MFRP: variants seen among roughly 807,000 people sequenced by gnomAD.
MFRP encodes the protein C1q and TNF related 5.
A neutral mutation model predicts 65.8 loss-of-function variants in MFRP; 74 were observed. The ratio of observed to expected loss-of-function variants is 1.12; its 90% CI spans 0.93 to 1.36. MFRP has a LOEUF of 1.36. MFRP is among the 40% of genes most tolerant of loss of function. MFRP has a pLI of 0.00. For synonymous variants in MFRP, 336 were observed against 288.3 expected, an observed-to-expected ratio of 1.17 and a Z score of -1.68; for missense variants, 838 against 736.0, an observed-to-expected ratio of 1.14 and a Z score of -1.60.
Position 119,342,680 on chromosome 11 carries a change from C to T in MFRP, c.1303G>A (p.Gly435Ser). ...CACATGTCACACATCCACTGCACAC[C>T]CTTACACCCTCCTGCCTGGCAGGAG... is the stretch of plus-strand genomic sequence containing the variant. ...ELSCQAGGCK[G>S]VQWMCDMWRD... Residue 435 changes from glycine to serine, a missense_variant, in exon 11 of 15, where the codon GGT becomes AGT. By Grantham distance (56) the Gly-to-Ser change is moderately conservative (BLOSUM62 0). Transcript: ENST00000619721. 1 of 1,613,720 alleles carries T rather than the reference C, an allele frequency of 6.2e-7. No homozygotes were observed. Among genetic ancestry groups the T allele is most frequent in the Non-Finnish European group, 8.5e-7 (1 of 1,179,958 alleles).
In MFRP at chr11:119,345,652, G is replaced by C. The variant is rs751646715; in HGVS notation, c.428-19C>G. On this transcript the variant is annotated intron_variant, in intron 4 of 14. Coordinates refer to ENST00000619721, the MANE Select transcript of MFRP (RefSeq NM_031433.4). Reference sequence around the variant, plus strand: ...CCACAGGCTGCAGAGATGGAGGTTAGAGTTCAGAGGTCAAAAGGAGTGAGG... The same window carrying C: ...CCACAGGCTGCAGAGATGGAGGTTACAGTTCAGAGGTCAAAAGGAGTGAGG... 7 of 1,613,262 alleles carry C rather than the reference G, an allele frequency of 4.3e-6. No individual in the cohort carries two copies. The highest frequency in any genetic ancestry group is 5.9e-6 in the Non-Finnish European group (7 of 1,179,822).
chr11:119,339,826 G>C lies in MFRP; in HGVS notation c.*1133C>G, dbSNP rs1950481497. ...GTCCCGCCTCTCCTCGCGGCCCGGG[G>C]TCCCCTCGAGGTCCCGGCAGTCCTG... On this transcript the variant is annotated 3_prime_UTR_variant, in exon 15 of 15. Transcript: ENST00000619721. This position sits in a 1 kb window ranked among gnomAD's most constrained non-coding sequence, Gnocchi z 5.4. 6.6e-7 allele frequency: 1 copy of C among 1,510,584 alleles called. No individual in the cohort carries two copies. The highest frequency in any genetic ancestry group is 2.4e-5 in the East Asian group (1 of 40,848). 93.6% of individuals were successfully genotyped at this position (1,510,584 alleles called of 1,614,324 possible). A position where few individuals can be genotyped will look rare whatever the true frequency, so the allele number is the denominator to read the frequency against.
Sources: allele counts gnomAD v4.1 joint callset, GRCh38; gene constraint gnomAD v4.1.1; non-coding constraint Gnocchi (gnomAD v3.1); transcripts MANE v1.5; gene names NCBI Gene and HGNC (gene_info 2026-07-23, HGNC 2026-07-21).